SMAD6: variants seen among roughly 807,000 people sequenced by gnomAD.
The protein encoded by SMAD6 is SMAD family member 6, also known as MAD homolog 6.
Under a neutral mutation model 39.4 loss-of-function variants are expected in SMAD6, and 103 were observed. The observed-to-expected ratio is 2.62, with a 90% CI of 2.23 to 3.08. SMAD6 has a LOEUF of 3.08. SMAD6 is among the 30% of genes most tolerant of loss of function. The probability of loss-of-function intolerance (pLI) is 0.00; values close to 1 mark genes in which losing one functional copy is unlikely to be tolerated. For missense variants in SMAD6, 1,104 were observed against 742.9 expected (o/e 1.49, Z -5.65); for synonymous variants, 445 against 353.3 (o/e 1.26, Z -2.91).
At chr15:66,749,422 C>T (rs1893961827) in intron 3 of SMAD6, among the ~76,000 whole-genome samples, 1 of 152,134 alleles carries the variant, frequency 6.6e-6, no homozygotes, top group African/African-American at 2.4e-5. Context: ...CACGCCATTG[C>T]ACTCCAGCCT....
In SMAD6 at chr15:66,704,016, C is replaced by T; in HGVS notation, c.758C>T (p.Ala253Val). 6.7e-7 allele frequency: 1 copy of T among 1,502,244 alleles called. No individual in the cohort carries two copies. Among genetic ancestry groups the T allele is most frequent in the Non-Finnish European group, 8.8e-7 (1 of 1,134,516 alleles). The allele number at this position is 1,502,244 out of a possible 1,614,324, so 93.1% of individuals were successfully genotyped here. The change falls in exon 1 of 4, where the codon GCC becomes GTC. Residue 253 changes from alanine (A) to valine (V), a missense_variant. Physicochemically the swap from Ala to Val is moderately conservative, Grantham distance 64. Coordinates refer to ENST00000288840, the MANE Select transcript of SMAD6 (RefSeq NM_005585.5). Reference protein sequence around the residue: ...PLCGCHSFAAAADGPTVCCNP... With the variant: ...PLCGCHSFAAVADGPTVCCNP... ...TGCGGCTGCCACAGCTTCGCCGCCG[C>T]CGCCGACGGCCCTACCGTGTGCTGC...
At chr15:66,716,097 C>A (rs1052513562) in intron 2 of SMAD6, among the ~76,000 whole-genome samples, 4 of 152,180 alleles carry the variant, frequency 2.6e-5, no homozygotes, top group Admixed American at 6.5e-5. Context: ...CTTAATTTAA[C>A]CTTACCCACG....
chr15:66,731,593 C>A (rs966569931), intron 3 of SMAD6, among the ~76,000 whole-genome samples: 1 of 152,190 alleles, frequency 6.6e-6, no homozygotes, highest in Non-Finnish European at 1.5e-5. Flanking sequence ...GCCCTTTGTA[C>A]CTTTTTTAAA....
chr15:66,777,712 C>G (rs1045601253), intron 3 of SMAD6, among the ~76,000 whole-genome samples: 2 of 152,246 alleles, frequency 1.3e-5, no homozygotes, highest in South Asian at 4.2e-4. Flanking sequence ...TTCAGGTGCC[C>G]CAGGAAGGAG....
At chr15:66,774,048 C>A (rs1352467597) in intron 3 of SMAD6, among the ~76,000 whole-genome samples, 4 of 152,148 alleles carry the variant, frequency 2.6e-5, no homozygotes, top group Non-Finnish European at 4.4e-5. Context: ...CCCCTGAAGA[C>A]CCAGAGGACT....
intron 3 of SMAD6, among the ~76,000 whole-genome samples, chr15:66,775,548 A>C (rs928219026): frequency 2.6e-5 from 4 of 152,128 alleles, no homozygotes; most frequent in African/African-American, 9.7e-5. Context: ...GATCAGGGCC[A>C]GGAGGCAGGA....
intron 3 of SMAD6, among the ~76,000 whole-genome samples, chr15:66,744,266 TG>T (rs1301816963): frequency 6.6e-6 from 1 of 152,138 alleles, no homozygotes; most frequent in Non-Finnish European, 1.5e-5. Flanking sequence ...GGGAGGCATT[TG>T]GTAAATAGTC....
chr15:66,730,121 T>C (rs907195930), intron 3 of SMAD6, among the ~76,000 whole-genome samples: 7 of 152,176 alleles, frequency 4.6e-5, no homozygotes, highest in African/African-American at 1.4e-4. Flanking sequence ...GTGCGGATTC[T>C]CTGTTTTCAC....
At chr15:66,738,818 A>C (rs1893760950) in intron 3 of SMAD6, among the ~76,000 whole-genome samples, 1 of 152,020 alleles carries the variant, frequency 6.6e-6, no homozygotes, top group Non-Finnish European at 1.5e-5. Context: ...GAGGGCATCT[A>C]TCTGGAGCAA....
chr15:66,764,967 C>T (rs373257236), intron 3 of SMAD6, among the ~76,000 whole-genome samples: 1 of 152,178 alleles, frequency 6.6e-6, no homozygotes, highest in Non-Finnish European at 1.5e-5. Context: ...CTCCATTTCA[C>T]GCCAAGGCTG....
chr15:66,725,998 G>A (rs1465853556), intron 3 of SMAD6, among the ~76,000 whole-genome samples: 1 of 152,154 alleles, frequency 6.6e-6, no homozygotes, highest in Admixed American at 6.5e-5. Flanking sequence ...ACATTCAGGG[G>A]AAATGTCCCT....
chr15:66,732,917 T>C (rs371173444), intron 3 of SMAD6, among the ~76,000 whole-genome samples: 1 of 152,108 alleles, frequency 6.6e-6, no homozygotes, highest in Non-Finnish European at 1.5e-5. Context: ...ATTTTTTTTT[T>C]ATGTTTTCTT....
At chr15:66,746,982 G>A (rs1171302389) in intron 3 of SMAD6, among the ~76,000 whole-genome samples, 1 of 152,170 alleles carries the variant, frequency 6.6e-6, no homozygotes, top group Non-Finnish European at 1.5e-5. Context: ...TATTAATAAG[G>A]GAAGAGTATG....
intron 3 of SMAD6, among the ~76,000 whole-genome samples, chr15:66,764,487 T>C (rs1204083184): frequency 1.3e-5 from 2 of 152,112 alleles, no homozygotes; most frequent in African/African-American, 4.8e-5. Flanking sequence ...CCCTAGAGTA[T>C]ATGAAGATAT....
At chr15:66,730,131 C>T (rs1055853620) in intron 3 of SMAD6, among the ~76,000 whole-genome samples, 1 of 152,148 alleles carries the variant, frequency 6.6e-6, no homozygotes, top group Non-Finnish European at 1.5e-5. Flanking sequence ...TCTGTTTTCA[C>T]TCCTGCACCT....
intron 3 of SMAD6, among the ~76,000 whole-genome samples, chr15:66,748,192 G>A (rs1416620269): frequency 1.3e-5 from 2 of 151,678 alleles, no homozygotes; most frequent in African/African-American, 4.9e-5. Flanking sequence ...TGTGTGCTTG[G>A]TGATTTCTTC....
chr15:66,708,675 CACAAAAGGCCATATATTGTATGAA>C (rs1203345377), intron 1 of SMAD6: 1 of 460,402 alleles, frequency 2.2e-6, no homozygotes, highest in Non-Finnish European at 4.6e-6. Context: ...AGAAGCCAGC[CACAAAAGGCCATATATTGTATGAA>C]ATGAAATGTC....
At chr15:66,772,517 C>G (rs1894396176) in intron 3 of SMAD6, among the ~76,000 whole-genome samples, 1 of 152,192 alleles carries the variant, frequency 6.6e-6, no homozygotes, top group Non-Finnish European at 1.5e-5. Context: ...ACTATACAGG[C>G]TGAGTCAATC....
intron 3 of SMAD6, among the ~76,000 whole-genome samples, chr15:66,742,503 C>A (rs1364643484): frequency 1.3e-5 from 2 of 152,116 alleles, no homozygotes; most frequent in Non-Finnish European, 2.9e-5. Flanking sequence ...AGGACACTCA[C>A]CCTTGGGTCT....
Sources: allele counts gnomAD v4.1 joint callset (sites outside exome capture counted in the v4.1 genomes callset), GRCh38; gene constraint gnomAD v4.1.1; transcripts MANE v1.5; gene names NCBI Gene and HGNC (gene_info 2026-07-23, HGNC 2026-07-21).